TMEM130: variants seen among roughly 807,000 people sequenced by gnomAD.
TMEM130 encodes transmembrane protein 130.
A neutral mutation model predicts 42.9 loss-of-function variants in TMEM130; 37 were observed. The observed-to-expected ratio is 0.86, with a 90% CI of 0.66 to 1.13. TMEM130 has a LOEUF of 1.13. TMEM130 is among the 50% of genes most tolerant of loss of function. The pLI, the probability that TMEM130 is intolerant of heterozygous loss-of-function variation, is 0.00. For missense variants in TMEM130, 545 were observed against 562.6 expected, an observed-to-expected ratio of 0.97 and a Z score of 0.32; for synonymous variants, 259 against 237.7, an observed-to-expected ratio of 1.09 and a Z score of -0.82.
chr7:98,863,213 G>A lies in TMEM130; in HGVS notation c.273C>T (p.Ser91=), dbSNP rs375564284. Residue 91 remains serine, a synonymous_variant, in exon 2 of 8, where the codon TCC becomes TCT. Transcript: ENST00000339375. ...GCACGTGGCCGACCACACGGATGGT[G>A]GAGCTGAGACCCTTCTCCATCTTGC... ...LTGKMEKGLS[S]TIRVVGHVPG... is the part of the protein sequence containing the mutation. 5 of 1,614,032 alleles carry A rather than the reference G, an allele frequency of 3.1e-6. No homozygotes were observed. The highest frequency in any genetic ancestry group is 1.7e-6 in the Non-Finnish European group (2 of 1,180,040).
At chr7:98,852,575 T>C (rs1440160670) in intron 5 of TMEM130, among the ~76,000 whole-genome samples, 2 of 149,774 alleles carry the variant, frequency 1.3e-5, no homozygotes, top group Non-Finnish European at 1.5e-5. Context: ...GAGTTGTTTT[T>C]TGTTTGTTTG....
At chr7:98,858,930 A>G (rs567152582) in intron 3 of TMEM130, among the ~76,000 whole-genome samples, 84 of 107,788 alleles carry the variant, frequency 7.8e-4, no homozygotes, top group South Asian at 4.1e-3. Flanking sequence ...ACACTTTGGG[A>G]GGAGGAAGGG....
intron 2 of TMEM130, 37 bp downstream of exon 2, chr7:98,863,058 G>A (rs1794822184): frequency 3.8e-6 from 6 of 1,583,738 alleles, no homozygotes; most frequent in South Asian, 3.4e-5. Context: ...TGCACCAAGG[G>A]TTTGAAGGCA....
At chr7:98,848,290 GC>G in intron 7 of TMEM130, 82 bp from the exon 8 acceptor site, 1 of 1,563,876 alleles carries the variant, frequency 6.4e-7, no homozygotes. Flanking sequence ...CCCACCAGGA[GC>G]CCCATCAGGT....
At chr7:98,850,204 G>A (rs553720904) in intron 6 of TMEM130, among the ~76,000 whole-genome samples, 17 of 134,458 alleles carry the variant, frequency 1.3e-4, no homozygotes, top group African/African-American at 4.0e-4. Flanking sequence ...ACAGGCACAC[G>A]CCACTCTCTC....
chr7:98,865,991 A>G, intron 1 of TMEM130: 1 of 172,760 alleles, frequency 5.8e-6, no homozygotes, highest in South Asian at 1.2e-4. Context: ...TCCTGGAAGA[A>G]ATAGCAGCCT....
At position 98,863,293 on chromosome 7, in the gene TMEM130, C is replaced by G; in HGVS notation, c.193G>C (p.Ala65Pro). The change falls in exon 2 of 8, where the codon GCT becomes CCT. Residue 65 changes from alanine to proline, a missense_variant. Transcript: ENST00000339375. ...AKDNGSLALP[A>P]DAHLYRFHWI... ...TGGAAGCGGTAGAGGTGGGCGTCAGCGGGCAGGGCCAGGCTGCCGTTGTCC... is the reference window on the plus strand; with the variant it reads ...TGGAAGCGGTAGAGGTGGGCGTCAGGGGGCAGGGCCAGGCTGCCGTTGTCC... The G allele has an allele frequency of 6.2e-7, 1 of 1,613,388 alleles. No individual in the cohort carries two copies. The highest frequency in any genetic ancestry group is 8.5e-7 in the Non-Finnish European group (1 of 1,179,972).
At chr7:98,864,018 A>T (rs1794853608) in intron 1 of TMEM130, among the ~76,000 whole-genome samples, 1 of 151,856 alleles carries the variant, frequency 6.6e-6, no homozygotes, top group Non-Finnish European at 1.5e-5. Flanking sequence ...TCAGCCTCCC[A>T]AATAACTGAA....
At chr7:98,853,710 G>C (rs1794564460) in intron 5 of TMEM130, among the ~76,000 whole-genome samples, 1 of 152,236 alleles carries the variant, frequency 6.6e-6, no homozygotes, top group Non-Finnish European at 1.5e-5. Flanking sequence ...CCAGGGAGGG[G>C]CATCCTCATG....
At chr7:98,857,641 A>G (rs1385363626) in intron 3 of TMEM130, among the ~76,000 whole-genome samples, 2 of 150,396 alleles carry the variant, frequency 1.3e-5, no homozygotes, top group African/African-American at 4.9e-5. Flanking sequence ...CGGAGGTTGC[A>G]GTGAGCAGTG....
At chr7:98,853,211 C>T (rs1395656430) in intron 5 of TMEM130, among the ~76,000 whole-genome samples, 2 of 152,148 alleles carry the variant, frequency 1.3e-5, no homozygotes, top group South Asian at 2.1e-4. Context: ...TCCAAAGCCC[C>T]GTGAAAACTA....
At chr7:98,863,895 ACTCT>A (rs1217239468) in intron 1 of TMEM130, among the ~76,000 whole-genome samples, 1 of 101,050 alleles carries the variant, frequency 9.9e-6, no homozygotes, top group Non-Finnish European at 2.0e-5. Context: ...TCTCTCTCTC[ACTCT>A]CTCTCTCTCC....
chr7:98,852,896 C>A (rs1354510976), intron 5 of TMEM130, among the ~76,000 whole-genome samples: 1 of 152,176 alleles, frequency 6.6e-6, no homozygotes, highest in Non-Finnish European at 1.5e-5. Flanking sequence ...CGTCCCTGAC[C>A]ATGAGAGCAT....
chr7:98,861,387 T>C (rs1315999011), intron 2 of TMEM130, among the ~76,000 whole-genome samples: 1 of 151,448 alleles, frequency 6.6e-6, no homozygotes, highest in South Asian at 2.1e-4. Context: ...GCTTCACACG[T>C]TGGGACCACT....
At chr7:98,860,785 A>G (rs1364873507) in intron 2 of TMEM130, among the ~76,000 whole-genome samples, 3 of 151,800 alleles carry the variant, frequency 2.0e-5, no homozygotes, top group Admixed American at 6.6e-5. Context: ...ACTACTAAAA[A>G]CACAAAAATT....
chr7:98,861,927 A>G (rs1794779027), intron 2 of TMEM130, among the ~76,000 whole-genome samples: 1 of 152,196 alleles, frequency 6.6e-6, no homozygotes, highest in Admixed American at 6.5e-5. Context: ...TGGGTTAGAC[A>G]ATTCTGTGCT....
Position 98,862,306 on chromosome 7 carries a change from A to AGAC in TMEM130, c.391+788_391+789insGTC, listed in dbSNP as rs144262169. Among the ~76,000 whole-genome samples the AGAC allele has an allele frequency of 4.3e-5, 6 of 138,834 alleles. No individual in the cohort carries two copies. In the South Asian group the frequency reaches 6.3e-4, roughly 15 times the overall value. The allele number at this position is 138,834 out of a possible 152,430, so 91.1% of individuals were successfully genotyped here. A position where few individuals can be genotyped will look rare whatever the true frequency, so the allele number is the denominator to read the frequency against. On this transcript the variant is annotated intron_variant, in intron 2 of 7. Coordinates refer to ENST00000339375, the MANE Select transcript of TMEM130 (RefSeq NM_152913.3). The stretch of plus-strand genomic sequence containing the variant: ...AAAGAGACAGAGACAGAAAGAGACA[A>AGAC]AGAGACAGAGAACAGAAAGAGCAAG...
chr7:98,862,652 C>T (rs554835550), intron 2 of TMEM130, among the ~76,000 whole-genome samples: 1 of 152,122 alleles, frequency 6.6e-6, no homozygotes, highest in Admixed American at 6.6e-5. Flanking sequence ...GTGCCCACCA[C>T]CATGCCCCCA....
chr7:98,867,607 G>C (rs1794936806), intron 1 of TMEM130, among the ~76,000 whole-genome samples: 1 of 152,160 alleles, frequency 6.6e-6, no homozygotes, highest in South Asian at 2.1e-4. Context: ...TCGGTTGCCA[G>C]GGGAATGGAT....
Sources: allele counts gnomAD v4.1 joint callset (sites outside exome capture counted in the v4.1 genomes callset), GRCh38; gene constraint gnomAD v4.1.1; transcripts MANE v1.5; gene names NCBI Gene and HGNC (gene_info 2026-07-23, HGNC 2026-07-21).